QTMAN: variants seen among roughly 807,000 people sequenced by gnomAD.
The protein encoded by QTMAN is queuosine-tRNA mannosyltransferase, also known as tRNA-queuosine alpha-mannosyltransferase.
chr2:144,204,220 T>C, the QTMAN span, among the ~76,000 whole-genome samples: 42 of 152,156 alleles, frequency 2.8e-4, no homozygotes, highest in African/African-American at 9.2e-4. Flanking sequence ...ACCTAAAGAA[T>C]GGGAGAAAAT....
At chr2:143,985,976 C>A in the QTMAN span, among the ~76,000 whole-genome samples, 1 of 152,104 alleles carries the variant, frequency 6.6e-6, no homozygotes, top group East Asian at 1.9e-4. Context: ...AGTTTAATAT[C>A]TTTGTTGCAT....
the QTMAN span, among the ~76,000 whole-genome samples, chr2:144,089,973 C>T: frequency 6.6e-6 from 1 of 151,848 alleles, no homozygotes; most frequent in East Asian, 1.9e-4. Context: ...TCACATATAC[C>T]CCGTAAATTT....
At chr2:143,982,853 C>CAAAAAAAAAAAAAA in the QTMAN span, among the ~76,000 whole-genome samples, 1 of 61,042 alleles carries the variant, frequency 1.6e-5, no homozygotes, top group Non-Finnish European at 3.7e-5. Flanking sequence ...GACTCTGTCT[C>CAAAAAAAAAAAAAA]AAAAAAAAAA....
chr2:144,242,760 G>A, the QTMAN span, among the ~76,000 whole-genome samples: 24 of 151,836 alleles, frequency 1.6e-4, no homozygotes, highest in Non-Finnish European at 1.8e-4. Context: ...TCAGGAGTTC[G>A]AGACCAGCCT....
At chr2:144,200,498 C>T in the QTMAN span, among the ~76,000 whole-genome samples, 10 of 152,186 alleles carry the variant, frequency 6.6e-5, no homozygotes, top group Middle Eastern at 3.4e-3. Flanking sequence ...ATAAAATACA[C>T]GAACAATAAC....
At chr2:144,119,204 A>G in the QTMAN span, among the ~76,000 whole-genome samples, 9 of 152,318 alleles carry the variant, frequency 5.9e-5, no homozygotes, top group South Asian at 1.9e-3. Flanking sequence ...ACATAACTAC[A>G]AAGAATTAAA....
At chr2:144,152,111 C>T in the QTMAN span, among the ~76,000 whole-genome samples, 6 of 152,230 alleles carry the variant, frequency 3.9e-5, no homozygotes, top group Middle Eastern at 3.4e-3. Context: ...TGGCATCAAT[C>T]GGACAGTTTT....
At chr2:144,331,769 T>C in the QTMAN span, among the ~76,000 whole-genome samples, 3 of 151,954 alleles carry the variant, frequency 2.0e-5, no homozygotes, top group East Asian at 1.9e-4. Flanking sequence ...CCGATGAAAA[T>C]GGGAAGTTAT....
the QTMAN span, among the ~76,000 whole-genome samples, chr2:143,965,674 C>T: frequency 6.6e-6 from 1 of 152,174 alleles, no homozygotes; most frequent in South Asian, 2.1e-4. Context: ...TGGCCTCTAC[C>T]TACTAGACGC....
At chr2:144,052,947 C>T in the QTMAN span, among the ~76,000 whole-genome samples, 1 of 152,144 alleles carries the variant, frequency 6.6e-6, no homozygotes, top group East Asian at 1.9e-4. Flanking sequence ...CCACGCCCGG[C>T]CTATTTTAAA....
the QTMAN span, among the ~76,000 whole-genome samples, chr2:144,248,330 T>G: frequency 1.9e-3 from 289 of 152,304 alleles, 1 homozygote; most frequent in African/African-American, 6.5e-3. Flanking sequence ...CAATGAAATA[T>G]ACATGAAAAT....
the QTMAN span, among the ~76,000 whole-genome samples, chr2:144,188,186 CAAG>C: frequency 6.6e-6 from 1 of 152,012 alleles, no homozygotes; most frequent in African/African-American, 2.4e-5. Context: ...CAAATCAGTG[CAAG>C]AAGAGATAGC....
At chr2:143,951,851 G>A in the QTMAN span, 21 of 584,514 alleles carry the variant, frequency 3.6e-5, no homozygotes, top group African/African-American at 3.6e-4. Context: ...CCTTGTTAGT[G>A]TAACAACTAA....
the QTMAN span, among the ~76,000 whole-genome samples, chr2:144,262,252 A>G: frequency 6.6e-6 from 1 of 152,142 alleles, no homozygotes; most frequent in Non-Finnish European, 1.5e-5. Flanking sequence ...TGGCTGCTGG[A>G]GTGCTCCTCA....
the QTMAN span, among the ~76,000 whole-genome samples, chr2:144,177,804 C>T: frequency 6.6e-6 from 1 of 151,912 alleles, no homozygotes; most frequent in Non-Finnish European, 1.5e-5. Context: ...TTCTGGTAGC[C>T]AGTGAAATTT....
At chr2:144,150,557 GCA>G in the QTMAN span, among the ~76,000 whole-genome samples, 1 of 151,978 alleles carries the variant, frequency 6.6e-6, no homozygotes, top group Non-Finnish European at 1.5e-5. Flanking sequence ...GTATTGGAAA[GCA>G]CAGTTCTGGA....
the QTMAN span, among the ~76,000 whole-genome samples, chr2:144,272,878 T>C: frequency 1.3e-5 from 2 of 152,200 alleles, no homozygotes; most frequent in African/African-American, 4.8e-5. Context: ...GGTTCTGACA[T>C]CTGAACTGCA....
At chr2:144,083,746 G>A in the QTMAN span, among the ~76,000 whole-genome samples, 4 of 152,096 alleles carry the variant, frequency 2.6e-5, no homozygotes, top group Non-Finnish European at 4.4e-5. Context: ...CTATGGTTCC[G>A]CCACTGGTGA....
At chr2:144,009,532 T>C in the QTMAN span, among the ~76,000 whole-genome samples, 1 of 152,210 alleles carries the variant, frequency 6.6e-6, no homozygotes, top group South Asian at 2.1e-4. Context: ...ATAAAGATCT[T>C]TAAATTTCTA....
Sources: allele counts gnomAD v4.1 joint callset (sites outside exome capture counted in the v4.1 genomes callset), GRCh38; gene constraint gnomAD v4.1.1; transcripts MANE v1.5; gene names NCBI Gene and HGNC (gene_info 2026-07-23, HGNC 2026-07-21).